Variants in PRELID3A observed in about 807,000 individuals in gnomAD.
PRELID3A encodes PRELI domain containing protein 3A.
Under a neutral mutation model 23.0 loss-of-function variants are expected in PRELID3A, and 27 were observed. That is an observed-to-expected ratio of 1.17 (90% CI 0.87 to 1.62). PRELID3A has a LOEUF of 1.62. Ranked by LOEUF, PRELID3A falls within the 40% of genes most tolerant of loss-of-function variation. The pLI, the probability that PRELID3A is intolerant of heterozygous loss-of-function variation, is 0.00. For missense variants in PRELID3A, 231 were observed against 231.4 expected, an observed-to-expected ratio of 1.00 and a Z score of 0.01; for synonymous variants, 87 against 86.4, an observed-to-expected ratio of 1.01 and a Z score of -0.04.
intron 1 of PRELID3A, 25 bp from the exon 2 acceptor site, chr18:12,420,300 A>C (rs1424059673): frequency 2.3e-5 from 36 of 1,577,152 alleles, no homozygotes; most frequent in Non-Finnish European, 3.0e-5. Context: ...GCGCTTGCTC[A>C]CCGCCGCCTA....
At chr18:12,421,022 G>A (rs964418761) in intron 2 of PRELID3A, among the ~76,000 whole-genome samples, 6 of 152,156 alleles carry the variant, frequency 3.9e-5, no homozygotes, top group Non-Finnish European at 8.8e-5. Flanking sequence ...TCAGCCCCCC[G>A]TGGCCTCTTC....
chr18:12,418,438 G>A (rs2030033006), intron 1 of PRELID3A, among the ~76,000 whole-genome samples: 1 of 152,186 alleles, frequency 6.6e-6, no homozygotes, highest in African/African-American at 2.4e-5. Context: ...CATATATTGA[G>A]TGTAATCCCA....
At chr18:12,419,236 A>G (rs34481458) in intron 1 of PRELID3A, among the ~76,000 whole-genome samples, 47,220 of 149,758 alleles carry the variant, frequency 0.32, 9,143 homozygotes, top group African/African-American at 0.53. Flanking sequence ...TGAGGCAGGA[A>G]AATCGCTTGT....
At chr18:12,412,793 T>C (rs953256337) in intron 1 of PRELID3A, among the ~76,000 whole-genome samples, 8 of 152,196 alleles carry the variant, frequency 5.3e-5, no homozygotes, top group Non-Finnish European at 7.3e-5. Flanking sequence ...ATATTTACCA[T>C]ATTAGAAATT....
chr18:12,422,713 T>C (rs1469489829), intron 3 of PRELID3A, among the ~76,000 whole-genome samples: 1 of 152,152 alleles, frequency 6.6e-6, no homozygotes, highest in Non-Finnish European at 1.5e-5. Context: ...CTTCTCTCAA[T>C]TAAAAAATGT....
At chr18:12,411,964 G>T (rs572950767) in intron 1 of PRELID3A, among the ~76,000 whole-genome samples, 133 of 149,016 alleles carry the variant, frequency 8.9e-4, no homozygotes, top group African/African-American at 3.2e-3. Context: ...AGGCTGGAGT[G>T]CAGGGGCGCA....
At chr18:12,426,513 C>G (rs1299632343) in intron 3 of PRELID3A, among the ~76,000 whole-genome samples, 1 of 125,342 alleles carries the variant, frequency 8.0e-6, no homozygotes, top group Non-Finnish European at 1.6e-5. Context: ...GAGATCGCGC[C>G]ACTGCACTCC....
intron 3 of PRELID3A, 105 bp from the exon 4 acceptor site, chr18:12,426,931 CTTCTG>C: frequency 1.4e-6 from 1 of 736,538 alleles, no homozygotes; most frequent in Admixed American, 2.1e-5. Flanking sequence ...CTAAAAGTTT[CTTCTG>C]TTCTGGCCCC....
At chr18:12,413,486 C>T (rs1472447169) in intron 1 of PRELID3A, among the ~76,000 whole-genome samples, 1 of 152,196 alleles carries the variant, frequency 6.6e-6, no homozygotes, top group Non-Finnish European at 1.5e-5. Context: ...GACTTGGAAG[C>T]ATTTGGAATA....
chr18:12,424,694 G>A (rs2030300218), intron 3 of PRELID3A, among the ~76,000 whole-genome samples: 1 of 152,192 alleles, frequency 6.6e-6, no homozygotes, highest in African/African-American at 2.4e-5. Context: ...AGGTTAATTT[G>A]CTTTTCACTG....
intron 1 of PRELID3A, among the ~76,000 whole-genome samples, chr18:12,416,419 C>T (rs1226892491): frequency 6.6e-6 from 1 of 152,168 alleles, no homozygotes. Flanking sequence ...GGTGATCCTC[C>T]TGCCTCAACC....
In PRELID3A at chr18:12,420,305, C is replaced by T. The variant is rs763680389; in HGVS notation, c.33-20C>T. On this transcript the variant is annotated intron_variant, in intron 1 of 6. Transcript: ENST00000440960. Reference sequence around the variant, plus strand: ...CCCGGCCCCGGCGCTTGCTCACCGCCGCCTATGCTCTCCCCGCAGCCACCC... The same window carrying T: ...CCCGGCCCCGGCGCTTGCTCACCGCTGCCTATGCTCTCCCCGCAGCCACCC... The T allele has an allele frequency of 6.3e-6, 10 of 1,586,180 alleles. No homozygotes were observed. In the East Asian group the frequency reaches 1.4e-4, roughly 22 times the overall value.
At chr18:12,411,843 G>C (rs371415718) in intron 1 of PRELID3A, among the ~76,000 whole-genome samples, 1 of 152,088 alleles carries the variant, frequency 6.6e-6, no homozygotes, top group Non-Finnish European at 1.5e-5. Flanking sequence ...TTCTGAGGGG[G>C]TCTATATTCC....
At chr18:12,414,011 A>G (rs901009455) in intron 1 of PRELID3A, among the ~76,000 whole-genome samples, 9 of 152,216 alleles carry the variant, frequency 5.9e-5, no homozygotes, top group Non-Finnish European at 1.2e-4. Context: ...CTGAATAAGC[A>G]AAGTTTATCT....
chr18:12,432,057 T>C lies in PRELID3A; in HGVS notation c.*941T>C, dbSNP rs1297855051. 1 of 152,236 alleles carries C rather than the reference T, an allele frequency of 6.6e-6. No homozygotes were observed. The highest frequency in any genetic ancestry group is 1.5e-5 in the Non-Finnish European group (1 of 68,034). The allele number at this position is 152,236 out of a possible 1,614,324, so 9.4% of individuals were successfully genotyped here. A position where few individuals can be genotyped will look rare whatever the true frequency, so the allele number is the denominator to read the frequency against. The stretch of plus-strand genomic sequence containing the variant: ...TTAAAAAATACATAAAAGCAACCCA[T>C]GCTTATGGTTAAAAAAGAGTACAGG... On this transcript the variant is annotated 3_prime_UTR_variant, in exon 7 of 7. Transcript: ENST00000440960.
At chr18:12,413,937 G>A (rs1181654308) in intron 1 of PRELID3A, among the ~76,000 whole-genome samples, 1 of 152,142 alleles carries the variant, frequency 6.6e-6, no homozygotes, top group Non-Finnish European at 1.5e-5. Flanking sequence ...GCTATCAGTT[G>A]TTTTCCTTGA....
chr18:12,410,004 A>G (rs1216583105), intron 1 of PRELID3A, among the ~76,000 whole-genome samples: 1 of 151,650 alleles, frequency 6.6e-6, no homozygotes, highest in Non-Finnish European at 1.5e-5. Flanking sequence ...ATTTTACCCC[A>G]TTTTCACCCC....
At chr18:12,416,190 C>T (rs1387858829) in intron 1 of PRELID3A, among the ~76,000 whole-genome samples, 1 of 152,240 alleles carries the variant, frequency 6.6e-6, no homozygotes, top group Non-Finnish European at 1.5e-5. Flanking sequence ...CCACCAGCAG[C>T]ACTTCCTGTT....
intron 3 of PRELID3A, 122 bp from the exon 4 acceptor site, chr18:12,426,919 G>A: frequency 1.5e-6 from 1 of 682,202 alleles, no homozygotes; most frequent in South Asian, 1.7e-5. Flanking sequence ...TATCTCCTAT[G>A]CCTAAAAGTT....
Sources: gnomAD v4.1 joint callset for allele counts (sites outside exome capture counted in the v4.1 genomes callset) on GRCh38, gnomAD v4.1.1 for gene constraint, MANE v1.5 for transcripts, NCBI Gene and HGNC (gene_info 2026-07-23, HGNC 2026-07-21) for gene names.